The following TMEM245 variants were observed in gnomAD, a reference collection of about 807,000 sequenced individuals.
TMEM245 encodes the protein transmembrane protein 245.
TMEM245 carries 69 observed loss-of-function variants against 101.2 expected under a neutral mutation model. The ratio of observed to expected loss-of-function variants is 0.68; its 90% CI spans 0.56 to 0.83. TMEM245 has a LOEUF of 0.83. TMEM245 is among the 40% of genes least tolerant of loss of function. The pLI is 0.00. For synonymous variants in TMEM245, 537 were observed against 449.8 expected (o/e 1.19, Z -2.45); for missense variants, 1,075 against 1,092.8 (o/e 0.98, Z 0.23).
intron 1 of TMEM245, among the ~76,000 whole-genome samples, chr9:109,108,999 T>A (rs1254573096): frequency 1.3e-5 from 2 of 152,102 alleles, no homozygotes; most frequent in East Asian, 3.8e-4. Flanking sequence ...AGAATCAGGT[T>A]AAAAGATTCT....
chr9:109,066,856 G>A (rs941183991), intron 9 of TMEM245, among the ~76,000 whole-genome samples: 2 of 151,982 alleles, frequency 1.3e-5, no homozygotes, highest in Admixed American at 6.5e-5. Flanking sequence ...AGTAGTTTGT[G>A]ACCAGCCTGG....
rs1588034721 is a variant in TMEM245 at position 109,050,656 on chromosome 9, C to T, written c.1891G>A (p.Val631Met). Residue 631 changes from valine (V) to methionine (M), a missense_variant, in exon 13 of 18, where the codon GTG becomes ATG. Around this residue, in one of 2 missense-constraint regions of TMEM245, gnomAD observed 267 missense variants for 351.3 expected, o/e 0.76. Transcript: ENST00000374586. ...GTGACAGTGGTGAACAGCAGGCTCACATTCCGGCTCATAACGATCCACAGA... is the reference window on the plus strand; with the variant it reads ...GTGACAGTGGTGAACAGCAGGCTCATATTCCGGCTCATAACGATCCACAGA... Reference protein sequence around the residue: ...ESLWIVMSRNVSLLFTTVTTL... With the variant: ...ESLWIVMSRNMSLLFTTVTTL... The T allele has an allele frequency of 6.2e-7, 1 of 1,613,010 alleles. No individual in the cohort carries two copies. The highest frequency in any genetic ancestry group is 8.5e-7 in the Non-Finnish European group (1 of 1,179,838).
At chr9:109,040,494 C>A (rs575680533) in intron 14 of TMEM245, among the ~76,000 whole-genome samples, 13 of 152,272 alleles carry the variant, frequency 8.5e-5, no homozygotes, top group South Asian at 4.2e-4. Context: ...CTTCTATTGT[C>A]AAACCCTCCC....
chr9:109,026,049 A>G (rs1398058889), intron 17 of TMEM245, among the ~76,000 whole-genome samples: 1 of 152,242 alleles, frequency 6.6e-6, no homozygotes, highest in Non-Finnish European at 1.5e-5. Context: ...TCACACTGTA[A>G]CAATATACAA....
chr9:109,056,805 G>A (rs1828852637), intron 12 of TMEM245, among the ~76,000 whole-genome samples: 1 of 152,150 alleles, frequency 6.6e-6, no homozygotes, highest in African/African-American at 2.4e-5. Context: ...AGACTGCAGA[G>A]GTGATGATGC....
At chr9:109,050,092 C>G (rs771859995) in intron 14 of TMEM245, among the ~76,000 whole-genome samples, 191 bp downstream of exon 14, 1 of 152,212 alleles carries the variant, frequency 6.6e-6, no homozygotes, top group Non-Finnish European at 1.5e-5. Context: ...TGTACCTGGC[C>G]TGAATCTTTT....
intron 5 of TMEM245, among the ~76,000 whole-genome samples, chr9:109,089,889 G>GT (rs1354063042): frequency 1.1e-4 from 16 of 152,186 alleles, no homozygotes; most frequent in Non-Finnish European, 1.5e-5. Flanking sequence ...TTGCATACAT[G>GT]TATTTCTCAA....
chr9:109,073,330 C>T, intron 9 of TMEM245, 26 bp downstream of exon 9: 1 of 1,566,314 alleles, frequency 6.4e-7, no homozygotes, highest in South Asian at 1.1e-5. Context: ...ATTCATCTCT[C>T]TTCTTTTTCA....
At chr9:109,031,635 G>A (rs1248822134) in intron 17 of TMEM245, among the ~76,000 whole-genome samples, 1 of 152,166 alleles carries the variant, frequency 6.6e-6, no homozygotes, top group Non-Finnish European at 1.5e-5. Context: ...GCAGGGAGAA[G>A]CCTTCCAGAA....
intron 1 of TMEM245, among the ~76,000 whole-genome samples, chr9:109,112,051 T>C (rs1830579917): frequency 6.6e-6 from 1 of 152,202 alleles, no homozygotes. Flanking sequence ...TAATATTAGT[T>C]CAAGAGGTAA....
At chr9:109,073,732 G>A (rs1257049470) in intron 8 of TMEM245, among the ~76,000 whole-genome samples, 1 of 151,942 alleles carries the variant, frequency 6.6e-6, no homozygotes, top group African/African-American at 2.4e-5. Flanking sequence ...CATTTCATTT[G>A]CATGAATATA....
At chr9:109,030,236 G>A (rs1473272792) in intron 17 of TMEM245, among the ~76,000 whole-genome samples, 5 of 148,302 alleles carry the variant, frequency 3.4e-5, no homozygotes, top group African/African-American at 7.6e-5. Context: ...AGAAGAGGGA[G>A]AAGGCAAAGT....
chr9:109,095,703 G>T (rs1263131294), intron 3 of TMEM245, among the ~76,000 whole-genome samples: 2 of 152,160 alleles, frequency 1.3e-5, no homozygotes, highest in South Asian at 2.1e-4. Context: ...ATATGCAGTT[G>T]CAAGAAATAA....
At chr9:109,075,219 T>TA (rs1829461971) in intron 8 of TMEM245, among the ~76,000 whole-genome samples, 1 of 152,210 alleles carries the variant, frequency 6.6e-6, no homozygotes, top group East Asian at 1.9e-4. Context: ...ATTCCCGAAA[T>TA]AAACCTCACA....
chr9:109,072,472 A>T (rs1829363824), intron 9 of TMEM245, among the ~76,000 whole-genome samples: 2 of 152,234 alleles, frequency 1.3e-5, no homozygotes, highest in Admixed American at 1.3e-4. Context: ...CTCAATAAAC[A>T]GTGTGGAGAC....
intron 17 of TMEM245, among the ~76,000 whole-genome samples, chr9:109,030,521 A>C (rs1234106042): frequency 6.6e-6 from 1 of 152,234 alleles, no homozygotes; most frequent in Non-Finnish European, 1.5e-5. Context: ...AATAACAGCA[A>C]AATATTGATC....
intron 17 of TMEM245, among the ~76,000 whole-genome samples, chr9:109,027,917 G>C (rs930046742): frequency 1.1e-4 from 17 of 151,416 alleles, no homozygotes; most frequent in African/African-American, 3.9e-4. Context: ...CCTGACCTCA[G>C]GTGATCTACC....
chr9:109,090,513 G>A (rs1829966929), intron 5 of TMEM245, among the ~76,000 whole-genome samples: 4 of 152,022 alleles, frequency 2.6e-5, no homozygotes, highest in Non-Finnish European at 5.9e-5. Flanking sequence ...ACGAGGTCAG[G>A]AGATCGAGAC....
intron 8 of TMEM245, among the ~76,000 whole-genome samples, chr9:109,075,965 G>C (rs1169044481): frequency 3.3e-5 from 5 of 152,084 alleles, no homozygotes; most frequent in Non-Finnish European, 5.9e-5. Context: ...TCAAATATAA[G>C]CATTTAATGA....
Sources: allele counts gnomAD v4.1 joint callset (sites outside exome capture counted in the v4.1 genomes callset), GRCh38; gene constraint gnomAD v4.1.1; regional missense constraint gnomAD v4.1.1; transcripts MANE v1.5; gene names NCBI Gene and HGNC (gene_info 2026-07-23, HGNC 2026-07-21).